The following HECW1 variants were observed in gnomAD, a reference collection of about 807,000 sequenced individuals.
The protein encoded by HECW1 is HECT, C2 and WW domain containing E3 ubiquitin protein ligase 1, also known as E3 ubiquitin-protein ligase HECW1.
In HECW1, 61 loss-of-function variants were observed where a neutral mutation model predicts 182.3. The observed-to-expected ratio is 0.33, with a 90% confidence interval of 0.27 to 0.41. The LOEUF (loss-of-function observed/expected upper bound fraction) is 0.41, where lower values mean the gene tolerates loss of function less well. Among genes scored for constraint, HECW1 ranks in the 10% least tolerant of loss-of-function variants. The pLI, the probability that HECW1 is intolerant of heterozygous loss-of-function variation, is 1.00. For synonymous variants in HECW1, 859 were observed against 832.6 expected (o/e 1.03, Z -0.55); for missense variants, 1,739 against 2,108.9 (o/e 0.82, Z 3.44).
chr7:43,117,899 A>G (rs1043401100), intron 2 of HECW1: 4 of 152,622 alleles, frequency 2.6e-5, no homozygotes, highest in African/African-American at 9.6e-5. Context: ...TTTGTTCAGA[A>G]CTGATACTTT....
intron 3 of HECW1, among the ~76,000 whole-genome samples, chr7:43,298,886 A>G (rs1806368796): frequency 1.3e-5 from 2 of 152,194 alleles, no homozygotes; most frequent in South Asian, 4.1e-4. Context: ...GCGAGACCGC[A>G]CTTTAATCTC....
chr7:43,210,162 T>G (rs1365152509), intron 2 of HECW1, among the ~76,000 whole-genome samples: 1 of 152,144 alleles, frequency 6.6e-6, no homozygotes, highest in Non-Finnish European at 1.5e-5. Context: ...TCCCTGCAGC[T>G]TGTCCCACTG....
In HECW1 at chr7:43,466,455, A is replaced by G. The variant is rs2077784047; in HGVS notation, c.2800A>G (p.Arg934Gly). ...GCTTCACTTTTTTTCAGATCTAAGG[A>G]GAGAAGGGTCACTTTCTCCAGTGAA... ...ESSQSSLDLR[R>G]EGSLSPVNSQ... is the part of the protein sequence containing the mutation. The change falls in exon 15 of 30, where the codon AGA (arginine) becomes GGA (glycine). Residue 934 changes from arginine (R) to glycine (G), a missense_variant. Arg to Gly is a moderately radical substitution (Grantham distance 125). Transcript: ENST00000395891. 3.1e-6 allele frequency: 5 copies of G among 1,613,676 alleles called. No individual in the cohort carries two copies. The highest frequency in any genetic ancestry group is 4.2e-6 in the Non-Finnish European group (5 of 1,179,724).
At chr7:43,453,300 A>T (rs2077295236) in intron 12 of HECW1, among the ~76,000 whole-genome samples, 1 of 152,176 alleles carries the variant, frequency 6.6e-6, no homozygotes, top group Admixed American at 6.5e-5. Context: ...GAGTGGTCTG[A>T]TTCTGGACAT....
In HECW1 at chr7:43,445,500, T is replaced by TA. The variant is rs1430809615; in HGVS notation, c.2329dup (p.Ser777LysfsTer25). The TA allele has an allele frequency of 6.2e-7, 1 of 1,611,234 alleles. No individual in the cohort carries two copies. Among genetic ancestry groups the TA allele is most frequent in the Non-Finnish European group, 8.5e-7 (1 of 1,178,706 alleles). ...CGTGGCAAGACGAGCTGGCCGCCCCTAGCGGGCACGTGGAAAGAAGCCCGG... is the reference window on the plus strand; with the variant it reads ...CGTGGCAAGACGAGCTGGCCGCCCCTAAGCGGGCACGTGGAAAGAAGCCCGG... On this transcript the variant is annotated frameshift_variant, in exon 11 of 30. Transcript: ENST00000395891. LOFTEE classifies it high-confidence loss of function.
intron 8 of HECW1, among the ~76,000 whole-genome samples, chr7:43,414,412 T>C: frequency 2.1e-5 from 3 of 139,622 alleles, no homozygotes; most frequent in Non-Finnish European, 1.6e-5. Context: ...CAGGGACAAT[T>C]TGACTTCCTC....
At chr7:43,503,476 A>G (rs2152925634) in intron 21 of HECW1, among the ~76,000 whole-genome samples, 1 of 152,348 alleles carries the variant, frequency 6.6e-6, no homozygotes, top group Non-Finnish European at 1.5e-5. Flanking sequence ...GCAAATAGAA[A>G]AATAAGAGTA....
At chr7:43,530,657 T>G (rs2080946921) in intron 24 of HECW1, among the ~76,000 whole-genome samples, 1 of 152,210 alleles carries the variant, frequency 6.6e-6, no homozygotes, top group South Asian at 2.1e-4. Context: ...ACCTCTCTAT[T>G]GAGCTTCAAA....
At chr7:43,559,992 A>T (rs1258363241) in intron 29 of HECW1, among the ~76,000 whole-genome samples, 2 of 152,182 alleles carry the variant, frequency 1.3e-5, no homozygotes, top group Non-Finnish European at 2.9e-5. Context: ...GGTTCCAACT[A>T]ATTTGTAAAG....
rs1491585382 is a variant in HECW1, at chr7:43,336,123, T to TC, written c.460+15381_460+15382insC. Among the ~76,000 whole-genome samples the TC allele has an allele frequency of 1.3e-3, 122 of 90,970 alleles. 6 individuals are homozygous for TC. Among genetic ancestry groups the TC allele is most frequent in the African/African-American group, 5.2e-3 (110 of 21,134 alleles). The allele number at this position is 90,970 out of a possible 152,430, so 59.7% of individuals were successfully genotyped here. A position where few individuals can be genotyped will look rare whatever the true frequency, so the allele number is the denominator to read the frequency against. On this transcript the variant is annotated intron_variant, in intron 5 of 29. Transcript: ENST00000395891. ...TCTTTCTTCTTTCTTTCTTTCTTTC[T>TC]TTCTCTCTCTCTCTCTCTCTTTCTC...
chr7:43,296,895 T>C (rs1806123345), intron 3 of HECW1, among the ~76,000 whole-genome samples: 1 of 152,176 alleles, frequency 6.6e-6, no homozygotes. Flanking sequence ...ATGCAGTTGT[T>C]GTTGAAATAT....
At position 43,488,390 on chromosome 7, in the gene HECW1, G is replaced by A. The variant is rs144456716; in HGVS notation, c.3235-3685G>A. The stretch of plus-strand genomic sequence containing the variant: ...AGGAAGGAAGGAAGGAAGGAAGGAA[G>A]GAAGGAAGGAAATGAAAGAAAGAGA... On this transcript the variant is annotated intron_variant, in intron 17 of 29. Coordinates refer to ENST00000395891, the MANE Select transcript of HECW1 (RefSeq NM_015052.5). Among the ~76,000 whole-genome samples the A allele has an allele frequency of 2.2e-3, 103 of 47,200 alleles. 1 individual carries two copies. Among genetic ancestry groups the A allele is most frequent in the Admixed American group, 5.2e-3 (19 of 3,628 alleles). 31.0% of individuals were successfully genotyped at this position (47,200 alleles called of 152,430 possible).
intron 2 of HECW1, among the ~76,000 whole-genome samples, chr7:43,150,258 T>C (rs1024741289): frequency 1.3e-5 from 2 of 152,254 alleles, no homozygotes; most frequent in African/African-American, 4.8e-5. Flanking sequence ...GTTACTTAAC[T>C]TTCTAAGAAA....
At chr7:43,317,054 T>C (rs1335606032) in intron 4 of HECW1, among the ~76,000 whole-genome samples, 1 of 151,958 alleles carries the variant, frequency 6.6e-6, no homozygotes, top group Non-Finnish European at 1.5e-5. Flanking sequence ...AAAATAGGGA[T>C]AAATACTATA....
intron 2 of HECW1, among the ~76,000 whole-genome samples, chr7:43,218,475 A>G (rs148351926): frequency 2.8e-4 from 43 of 152,294 alleles, no homozygotes; most frequent in African/African-American, 1.0e-3. Context: ...TCCTGATAAC[A>G]CATTTTGGTG....
intron 6 of HECW1, among the ~76,000 whole-genome samples, chr7:43,384,237 G>A (rs2074678097): frequency 6.6e-6 from 1 of 152,148 alleles, no homozygotes. Context: ...GTGTTGTCTT[G>A]GGGTTCTCCA....
intron 2 of HECW1, among the ~76,000 whole-genome samples, chr7:43,165,103 T>C (rs944239655): frequency 6.6e-6 from 1 of 152,218 alleles, no homozygotes; most frequent in African/African-American, 2.4e-5. Flanking sequence ...TAGTAAGGCC[T>C]TCTCAATCCC....
intron 2 of HECW1, among the ~76,000 whole-genome samples, chr7:43,123,027 C>T (rs914773054): frequency 7.9e-5 from 12 of 152,098 alleles, no homozygotes; most frequent in African/African-American, 2.2e-4. Context: ...TGAAAATGTC[C>T]AAAGACAAAG....
intron 3 of HECW1, among the ~76,000 whole-genome samples, chr7:43,264,543 T>TA (rs1286666110): frequency 2.0e-5 from 3 of 152,072 alleles, no homozygotes; most frequent in Non-Finnish European, 2.9e-5. Context: ...CTGTCTTTTG[T>TA]AAAAAATAAT....
Sources: allele counts gnomAD v4.1 joint callset (sites outside exome capture counted in the v4.1 genomes callset), GRCh38; gene constraint gnomAD v4.1.1; transcripts MANE v1.5; gene names NCBI Gene and HGNC (gene_info 2026-07-23, HGNC 2026-07-21).